The following XKR6 variants were observed in gnomAD, a reference collection of about 807,000 sequenced individuals.
XKR6 encodes XK-related protein 6.
In XKR6, 22 loss-of-function variants were observed where a neutral mutation model predicts 56.7. That is an observed-to-expected ratio of 0.39 (90% CI 0.28 to 0.55). The LOEUF (loss-of-function observed/expected upper bound fraction) is 0.55. XKR6 is among the 20% of genes least tolerant of loss of function. XKR6 has a pLI of 0.66. For synonymous variants in XKR6, 524 were observed against 387.8 expected (o/e 1.35, Z -4.13); for missense variants, 852 against 889.0 (o/e 0.96, Z 0.53).
intron 1 of XKR6, among the ~76,000 whole-genome samples, chr8:10,993,271 T>A (rs561691166): frequency 6.6e-6 from 1 of 152,288 alleles, no homozygotes; most frequent in African/African-American, 2.4e-5. Context: ...AATCCATCCA[T>A]CTTAATCAGC....
At chr8:11,068,348 G>A (rs1056877843) in intron 1 of XKR6, among the ~76,000 whole-genome samples, 1 of 152,132 alleles carries the variant, frequency 6.6e-6, no homozygotes, top group East Asian at 1.9e-4. Context: ...GGCTGGGCAG[G>A]CTGAACATCT....
At chr8:10,903,495 G>A (rs2129107610) in intron 2 of XKR6, among the ~76,000 whole-genome samples, 1 of 152,230 alleles carries the variant, frequency 6.6e-6, no homozygotes, top group South Asian at 2.1e-4. Context: ...GGAGGTAGGT[G>A]CTAAGTTGTG....
chr8:11,154,591 C>T (rs1801421576), intron 1 of XKR6, among the ~76,000 whole-genome samples: 1 of 152,238 alleles, frequency 6.6e-6, no homozygotes, highest in African/African-American at 2.4e-5. Flanking sequence ...ACACCCCAAA[C>T]TTGCAGTTGG....
intron 1 of XKR6, among the ~76,000 whole-genome samples, chr8:11,112,360 A>G (rs375016640): frequency 6.6e-6 from 1 of 152,202 alleles, no homozygotes; most frequent in African/African-American, 2.4e-5. Context: ...ACATGAACTA[A>G]GAAAGATGCT....
intron 1 of XKR6, among the ~76,000 whole-genome samples, chr8:11,121,358 C>T (rs1338936680): frequency 1.3e-5 from 2 of 152,070 alleles, no homozygotes; most frequent in Admixed American, 6.6e-5. Flanking sequence ...ACAAACAACC[C>T]CATCAAAAAG....
intron 1 of XKR6, among the ~76,000 whole-genome samples, chr8:11,071,232 G>A (rs1176344801): frequency 6.6e-6 from 1 of 152,098 alleles, no homozygotes; most frequent in Non-Finnish European, 1.5e-5. Context: ...GGGCCCTGGA[G>A]GTACTGAAGA....
At chr8:11,032,592 G>A (rs1799018270) in intron 1 of XKR6, among the ~76,000 whole-genome samples, 1 of 152,204 alleles carries the variant, frequency 6.6e-6, no homozygotes, top group Non-Finnish European at 1.5e-5. Flanking sequence ...GGCTGTAATA[G>A]AGATGTGTTG....
chr8:11,033,359 CG>C (rs1799046779), intron 1 of XKR6, among the ~76,000 whole-genome samples: 13 of 138,872 alleles, frequency 9.4e-5, no homozygotes, highest in African/African-American at 3.8e-4. Flanking sequence ...ATGATGATGA[CG>C]ATAGTGATGG....
intron 1 of XKR6, chr8:11,109,698 G>C (rs1472191005): frequency 2.0e-5 from 3 of 152,156 alleles, no homozygotes; most frequent in African/African-American, 7.2e-5. Flanking sequence ...TGTGCTCAGA[G>C]TTTTCAGCAT....
At chr8:10,899,505 C>T (rs920559977) in intron 2 of XKR6, among the ~76,000 whole-genome samples, 1 of 152,246 alleles carries the variant, frequency 6.6e-6, no homozygotes, top group African/African-American at 2.4e-5. Context: ...CCACCCAAGG[C>T]CAACAAGATC....
chr8:11,072,656 A>G (rs1371922883), intron 1 of XKR6, among the ~76,000 whole-genome samples: 5 of 152,240 alleles, frequency 3.3e-5, no homozygotes, highest in Admixed American at 3.3e-4. Context: ...CCTGCCAGGC[A>G]ACAACACATG....
At chr8:11,174,967 T>G (rs1010768667) in intron 1 of XKR6, 1 of 152,178 alleles carries the variant, frequency 6.6e-6, no homozygotes, top group Non-Finnish European at 1.5e-5. Context: ...ACATGAAAAT[T>G]TACTTTATAA....
At chr8:11,157,709 G>A (rs1468558082) in intron 1 of XKR6, among the ~76,000 whole-genome samples, 1 of 152,120 alleles carries the variant, frequency 6.6e-6, no homozygotes, top group Non-Finnish European at 1.5e-5. Flanking sequence ...TGGTAGAGAT[G>A]AAGGTCTCAC....
rs550851856 is a variant in XKR6, at chr8:10,970,916, T to A, written c.765-46086A>T. 2.0e-5 allele frequency among the ~76,000 whole-genome samples: 3 copies of A among 151,892 alleles called. No individual in the cohort carries two copies. The East Asian group carries it at 5.9e-4, about 30-fold the overall frequency. On this transcript the variant is annotated intron_variant, in intron 1 of 2. Transcript: ENST00000416569. ...GATTCCAGTGCCAGGAAGAGGTCTC[T>A]CTCCTAAGGAGAATCTGAAGCACCC...
chr8:11,061,149 A>C (rs1173106865), intron 1 of XKR6, among the ~76,000 whole-genome samples: 3 of 152,182 alleles, frequency 2.0e-5, no homozygotes, highest in Non-Finnish European at 4.4e-5. Context: ...ATAGATGTCC[A>C]CTTGGAGAGT....
intron 2 of XKR6, among the ~76,000 whole-genome samples, chr8:10,905,064 C>T (rs886251625): frequency 1.3e-5 from 2 of 152,202 alleles, no homozygotes; most frequent in African/African-American, 4.8e-5. Context: ...CCAGCTCCTT[C>T]TTCCTGGCTT....
intron 1 of XKR6, among the ~76,000 whole-genome samples, chr8:10,990,450 G>A (rs916537722): frequency 1.3e-5 from 2 of 152,148 alleles, no homozygotes; most frequent in East Asian, 3.8e-4. Context: ...TTTCCACACC[G>A]GCAGTAGTTG....
chr8:11,061,609 T>A (rs1042051583), intron 1 of XKR6, among the ~76,000 whole-genome samples: 1 of 152,172 alleles, frequency 6.6e-6, no homozygotes, highest in African/African-American at 2.4e-5. Flanking sequence ...ATTCATTCAT[T>A]CATTCATTCA....
intron 1 of XKR6, chr8:11,137,717 T>C (rs1365469906): frequency 1.5e-5 from 7 of 456,080 alleles, no homozygotes; most frequent in East Asian, 6.9e-5. Flanking sequence ...TCCCCTGAAA[T>C]AGGAAAGAAG....
Sources: gnomAD v4.1 joint callset for allele counts (sites outside exome capture counted in the v4.1 genomes callset) on GRCh38, gnomAD v4.1.1 for gene constraint, MANE v1.5 for transcripts, NCBI Gene and HGNC (gene_info 2026-07-23, HGNC 2026-07-21) for gene names.